Variants in PTPN5 observed in about 807,000 individuals in gnomAD.
PTPN5 encodes the protein protein tyrosine phosphatase non-receptor type 5.
Under a neutral mutation model 73.9 loss-of-function variants are expected in PTPN5, and 29 were observed. That is an observed-to-expected ratio of 0.39 (90% confidence interval 0.29 to 0.54). The LOEUF (loss-of-function observed/expected upper bound fraction) is 0.54. Ranked by LOEUF, PTPN5 falls within the 20% of genes least tolerant of loss-of-function variation. PTPN5 has a pLI of 0.65. For missense variants in PTPN5, 652 were observed against 751.4 expected, an observed-to-expected ratio of 0.87 and a Z score of 1.55; for synonymous variants, 267 against 304.7, an observed-to-expected ratio of 0.88 and a Z score of 1.29.
In PTPN5 at chr11:18,771,969, T is replaced by C. The variant is rs771512468; in HGVS notation, c.-11A>G. ...TCCCTCATAATTCATTCCCAAGGTG[T>C]CTGGATGGGGAAGGGTGCCATCTTC... is the stretch of plus-strand genomic sequence containing the variant. On this transcript the variant is annotated 5_prime_UTR_variant, in exon 2 of 15. Transcript: ENST00000358540. The C allele has an allele frequency of 2.5e-6, 4 of 1,570,324 alleles. No homozygotes were observed. The African/African-American group carries it at 4.2e-5, about 16-fold the overall frequency.
chr11:18,753,999 A>ACAC (rs1850013377), intron 3 of PTPN5, among the ~76,000 whole-genome samples: 1 of 152,236 alleles, frequency 6.6e-6, no homozygotes, highest in African/African-American at 2.4e-5. Context: ...AAAAACACAC[A>ACAC]TTAAACACAT....
Position 18,733,695 on chromosome 11 carries a change from G to T in PTPN5, c.1001-60C>A. 6.9e-7 allele frequency: 1 copy of T among 1,447,060 alleles called. No homozygotes were observed. The highest frequency in any genetic ancestry group is 9.7e-7 in the Non-Finnish European group (1 of 1,028,648). The allele number at this position is 1,447,060 out of a possible 1,614,324, so 89.6% of individuals were successfully genotyped here. A position where few individuals can be genotyped will look rare whatever the true frequency, so the allele number is the denominator to read the frequency against. ...GGGCCCTCTGGTGCAGGACCCACTT[G>T]CTCTGGCCTATTCCAGCATACCCAC... is the stretch of plus-strand genomic sequence containing the variant. On this transcript the variant is annotated intron_variant, in intron 9 of 14. Transcript: ENST00000358540. The surrounding 1 kb of genome is among the most constrained non-coding windows in gnomAD (Gnocchi z 4.3).
At chr11:18,771,852 G>A (rs4075663) in intron 2 of PTPN5, 87 bp downstream of exon 2, 310,125 of 1,101,262 alleles carry the variant, frequency 0.28, 46,329 homozygotes, top group African/African-American at 0.35. Flanking sequence ...CATGAGAATG[G>A]GTCACGTGTC....
intron 3 of PTPN5, among the ~76,000 whole-genome samples, chr11:18,752,187 G>A (rs191055473): frequency 4.0e-4 from 61 of 152,328 alleles, no homozygotes; most frequent in African/African-American, 1.3e-3. Context: ...GCCAGAGAGC[G>A]CGCCACTGCA....
intron 9 of PTPN5, among the ~76,000 whole-genome samples, chr11:18,734,288 A>G (rs1849020168): frequency 6.6e-6 from 1 of 152,204 alleles, no homozygotes; most frequent in African/African-American, 2.4e-5. Flanking sequence ...TCATGTCCAC[A>G]TATGCAAAAA....
intron 1 of PTPN5, among the ~76,000 whole-genome samples, chr11:18,772,475 G>A (rs181732083): frequency 3.3e-5 from 5 of 152,276 alleles, no homozygotes; most frequent in Non-Finnish European, 5.9e-5. Context: ...CTGTCCTCAC[G>A]TCTGAGCAGA....
intron 2 of PTPN5, among the ~76,000 whole-genome samples, chr11:18,769,199 G>C (rs1850767574): frequency 6.6e-6 from 1 of 152,198 alleles, no homozygotes; most frequent in South Asian, 2.1e-4. Flanking sequence ...TAGGAATACA[G>C]TGATGAATAA....
At chr11:18,790,049 T>A (rs551028753) in intron 1 of PTPN5, among the ~76,000 whole-genome samples, 2 of 152,002 alleles carry the variant, frequency 1.3e-5, no homozygotes, top group East Asian at 3.9e-4. Context: ...GGTGACTGAC[T>A]CCATCCCTTC....
At position 18,746,247 on chromosome 11, in the gene PTPN5, A is replaced by G. The variant is rs1218976978; in HGVS notation, c.98-2048T>C. On this transcript the variant is annotated intron_variant, in intron 3 of 14. Coordinates refer to ENST00000358540, the MANE Select transcript of PTPN5 (RefSeq NM_006906.2). Reference sequence around the variant, plus strand: ...TGTTCTGTCACCCAGGCTGGAGTGCAGTGGTGCAATCTTGGCTCACTGCAA... The same window carrying G: ...TGTTCTGTCACCCAGGCTGGAGTGCGGTGGTGCAATCTTGGCTCACTGCAA... Among the ~76,000 whole-genome samples the G allele has an allele frequency of 2.4e-4, 33 of 136,216 alleles. No individual in the cohort carries two copies. The Admixed American group carries it at 2.6e-3, about 11-fold the overall frequency. 89.4% of individuals were successfully genotyped at this position (136,216 alleles called of 152,430 possible). A position where few individuals can be genotyped will look rare whatever the true frequency, so the allele number is the denominator to read the frequency against.
chr11:18,749,079 G>A (rs1381710321), intron 3 of PTPN5, among the ~76,000 whole-genome samples: 3 of 152,168 alleles, frequency 2.0e-5, no homozygotes, highest in Non-Finnish European at 2.9e-5. Context: ...CTCTGCATAC[G>A]CAATTGCATT....
chr11:18,780,842 G>A (rs1203787175), intron 1 of PTPN5, among the ~76,000 whole-genome samples: 1 of 152,268 alleles, frequency 6.6e-6, no homozygotes, highest in Admixed American at 6.5e-5. Context: ...GGCAGGTCCA[G>A]CTCTTTCCTT....
In PTPN5 at chr11:18,743,448, G is replaced by A. The variant is rs1280102922; in HGVS notation, c.292-19C>T. 1.2e-6 allele frequency: 2 copies of A among 1,606,818 alleles called. No individual in the cohort carries two copies. The highest frequency in any genetic ancestry group is 1.7e-6 in the Non-Finnish European group (2 of 1,173,290). ...AGGCAAGCTGGGGCACAGGGGAGCA[G>A]GCTGAGTATGGAGCCGGCCCCCTTC... On this transcript the variant is annotated intron_variant, in intron 4 of 14. Coordinates refer to ENST00000358540, the MANE Select transcript of PTPN5 (RefSeq NM_006906.2).
At chr11:18,763,855 A>T (rs761600505) in intron 3 of PTPN5, among the ~76,000 whole-genome samples, 2 of 152,180 alleles carry the variant, frequency 1.3e-5, no homozygotes, top group Non-Finnish European at 2.9e-5. Flanking sequence ...GAGCTCCAGC[A>T]AGGTTAAGTG....
At chr11:18,765,921 G>GC in intron 2 of PTPN5, 38 bp from the exon 3 acceptor site, 8 of 1,462,494 alleles carry the variant, frequency 5.5e-6, no homozygotes, top group Non-Finnish European at 7.5e-6. Flanking sequence ...ATGCTGTTGA[G>GC]CCAGGATCAA....
chr11:18,745,740 T>C (rs1046013088), intron 3 of PTPN5, among the ~76,000 whole-genome samples: 1 of 152,110 alleles, frequency 6.6e-6, no homozygotes, highest in South Asian at 2.1e-4. Flanking sequence ...GTTAATTTTT[T>C]AATTCTTCAC....
intron 1 of PTPN5, among the ~76,000 whole-genome samples, 153 bp from the exon 2 acceptor site, chr11:18,772,224 G>A (rs1298181372): frequency 5.3e-5 from 8 of 152,114 alleles, no homozygotes; most frequent in Admixed American, 4.6e-4. Context: ...TACACAGACA[G>A]CCCAGAATCA....
At chr11:18,791,941 G>C (rs1435478829), upstream of PTPN5, 1 of 152,212 alleles carries the variant, frequency 6.6e-6, no homozygotes, top group East Asian at 1.9e-4. Context: ...GGGGCACGAA[G>C]GGGGCCGGAT....
At chr11:18,736,354 G>A (rs991454449) in intron 9 of PTPN5, among the ~76,000 whole-genome samples, 29 of 152,200 alleles carry the variant, frequency 1.9e-4, no homozygotes, top group African/African-American at 5.8e-4. Context: ...GGGACACGGC[G>A]GAGAAGGGGA....
chr11:18,733,656 T>C lies in PTPN5; in HGVS notation c.1001-21A>G. On this transcript the variant is annotated intron_variant, in intron 9 of 14. Coordinates refer to ENST00000358540, the MANE Select transcript of PTPN5 (RefSeq NM_006906.2). The surrounding 1 kb of genome is among the most constrained non-coding windows in gnomAD (Gnocchi z 4.3). ...AGGGTCTGGGGTGGTGGGAGACAAG[T>C]AAGGCTGGAAACTGGGCCCTCTGGT... The C allele has an allele frequency of 6.2e-7, 1 of 1,613,116 alleles. No homozygotes were observed. The highest frequency in any genetic ancestry group is 8.5e-7 in the Non-Finnish European group (1 of 1,179,042).
Sources: gnomAD v4.1 joint callset for allele counts (sites outside exome capture counted in the v4.1 genomes callset) on GRCh38, gnomAD v4.1.1 for gene constraint, Gnocchi (gnomAD v3.1) non-coding constraint, MANE v1.5 for transcripts, NCBI Gene and HGNC (gene_info 2026-07-23, HGNC 2026-07-21) for gene names.